The following ANKRD36B variants were observed in gnomAD, a reference collection of about 807,000 sequenced individuals.
ANKRD36B encodes ankyrin repeat domain 36B.
ANKRD36B carries 37 observed loss-of-function variants against 135.7 expected under a neutral mutation model. The observed-to-expected ratio is 0.27, with a 90% CI of 0.21 to 0.36. ANKRD36B has a LOEUF of 0.36. Among genes scored for constraint, ANKRD36B ranks in the 10% least tolerant of loss-of-function variants. The pLI, the probability that ANKRD36B is intolerant of heterozygous loss-of-function variation, is 1.00. For synonymous variants in ANKRD36B, 179 were observed against 348.1 expected (o/e 0.51, Z 5.41); for missense variants, 549 against 1,037.1 (o/e 0.53, Z 6.46).
At chr2:97,563,083 TTA>T (rs1176495892) in intron 6 of ANKRD36B, among the ~76,000 whole-genome samples, 1 of 152,096 alleles carries the variant, frequency 6.6e-6, no homozygotes, top group Non-Finnish European at 1.5e-5. Flanking sequence ...TGGAGCTATT[TTA>T]TGTTTAACTA....
Position 97,558,908 on chromosome 2 carries a change from A to T in ANKRD36B, c.895-37T>A, listed in dbSNP as rs562775706. On this transcript the variant is annotated intron_variant, in intron 9 of 43. Transcript: ENST00000359901. Reference sequence around the variant, plus strand: ...TTGAAACAAAATAATCAATATGTAAAGTAGGTTTCATAGACTATACGGTTA... The same window carrying T: ...TTGAAACAAAATAATCAATATGTAATGTAGGTTTCATAGACTATACGGTTA... The T allele has an allele frequency of 1.2e-5, 19 of 1,608,800 alleles. No homozygotes were observed. In the South Asian group the frequency reaches 2.0e-4, roughly 17 times the overall value.
intron 21 of ANKRD36B, 31 bp downstream of exon 21, chr2:97,547,672 T>G: frequency 6.4e-7 from 1 of 1,555,250 alleles, no homozygotes; most frequent in East Asian, 2.4e-5. Flanking sequence ...ATACATTTAC[T>G]AGTTCACAAT....
rs1182362854 is a variant in ANKRD36B, at chr2:97,521,880, C to G, written c.2407+1446G>C. ...CAGAAATAGATAACACATAAGCAACCAGCTTATGACTGACAAAGGCAGGAT... is the reference window on the plus strand; with the variant it reads ...CAGAAATAGATAACACATAAGCAACGAGCTTATGACTGACAAAGGCAGGAT... On this transcript the variant is annotated intron_variant, in intron 36 of 43. Transcript: ENST00000359901. 8.0e-4 allele frequency among the ~76,000 whole-genome samples: 71 copies of G among 89,158 alleles called. 12 individuals are homozygous for G. The highest frequency in any genetic ancestry group is 6.9e-3 in the Admixed American group (70 of 10,100). The allele number at this position is 89,158 out of a possible 152,430, so 58.5% of individuals were successfully genotyped here. A position where few individuals can be genotyped will look rare whatever the true frequency, so the allele number is the denominator to read the frequency against.
At chr2:97,574,335 T>G (rs1192336607) in intron 6 of ANKRD36B, among the ~76,000 whole-genome samples, 1 of 152,054 alleles carries the variant, frequency 6.6e-6, no homozygotes, top group East Asian at 1.9e-4. Context: ...AAAACCACAG[T>G]GAGATACCAT....
At chr2:97,560,271 G>C (rs1371224264) in intron 8 of ANKRD36B, among the ~76,000 whole-genome samples, 1 of 151,792 alleles carries the variant, frequency 6.6e-6, no homozygotes, top group Non-Finnish European at 1.5e-5. Flanking sequence ...TGTTTATGGA[G>C]TTATTAGGAT....
At chr2:97,576,715 G>T (rs1233837541) in intron 5 of ANKRD36B, among the ~76,000 whole-genome samples, 2 of 151,320 alleles carry the variant, frequency 1.3e-5, no homozygotes, top group African/African-American at 2.4e-5. Context: ...GCTCTTACTG[G>T]AAGGTCCTGG....
At chr2:97,550,024 T>C (rs1437047614) in intron 18 of ANKRD36B, among the ~76,000 whole-genome samples, 7 of 151,878 alleles carry the variant, frequency 4.6e-5, no homozygotes, top group African/African-American at 1.4e-4. Flanking sequence ...ACCATTATAC[T>C]ACAAACATTC....
At chr2:97,589,424 CGA>C in intron 1 of ANKRD36B, 99 bp downstream of exon 1, 2 of 837,358 alleles carry the variant, frequency 2.4e-6, no homozygotes, top group South Asian at 1.4e-5. Flanking sequence ...GTCCATACCC[CGA>C]GCCCCGGACC....
intron 6 of ANKRD36B, 94 bp downstream of exon 6, chr2:97,576,285 A>AT: frequency 6.5e-6 from 2 of 306,696 alleles, no homozygotes; most frequent in South Asian, 2.8e-5. Context: ...ATTTAAAGTG[A>AT]TTTTTTTAAA....
chr2:97,557,216 T>C, intron 10 of ANKRD36B, 84 bp from the exon 11 acceptor site: 5 of 1,500,268 alleles, frequency 3.3e-6, no homozygotes, highest in Non-Finnish European at 4.5e-6. Flanking sequence ...AGCATCAAGC[T>C]GTATCCTCCC....
intron 10 of ANKRD36B, among the ~76,000 whole-genome samples, chr2:97,558,486 C>T (rs2080728355): frequency 6.6e-6 from 1 of 151,994 alleles, no homozygotes; most frequent in South Asian, 2.1e-4. Context: ...TATACTTCAT[C>T]TCTTTCTCCT....
At chr2:97,514,632 A>G (rs2077724012) in intron 37 of ANKRD36B, among the ~76,000 whole-genome samples, 1 of 90,470 alleles carries the variant, frequency 1.1e-5, no homozygotes. Flanking sequence ...TTAAGAATGT[A>G]ATATGTTACC....
At chr2:97,547,270 T>C in intron 22 of ANKRD36B, 1 of 365,444 alleles carries the variant, frequency 2.7e-6, no homozygotes, top group South Asian at 3.1e-5. Context: ...AAAATTATGT[T>C]GTTCCCCAGA....
At chr2:97,557,849 C>T (rs2080668189) in intron 10 of ANKRD36B, among the ~76,000 whole-genome samples, 2 of 151,764 alleles carry the variant, frequency 1.3e-5, no homozygotes, top group South Asian at 4.2e-4. Context: ...TCAAATTTGA[C>T]ATACTTATAC....
At chr2:97,578,504 C>CTA (rs1160292839) in intron 5 of ANKRD36B, among the ~76,000 whole-genome samples, 2 of 151,994 alleles carry the variant, frequency 1.3e-5, no homozygotes, top group African/African-American at 4.8e-5. Flanking sequence ...CATGATCAGG[C>CTA]TATAGTAGAT....
rs567102980 is a variant in ANKRD36B, at chr2:97,551,254, C to G, written c.1375+35G>C. On this transcript the variant is annotated intron_variant, in intron 18 of 43. Coordinates refer to ENST00000359901, the MANE Select transcript of ANKRD36B (RefSeq NM_001393939.1). ...CGGGGAAGAGAACTTCTTATCTGGA[C>G]TGAACATGACATTAAATGTGTTTCG... 5.5e-5 allele frequency: 84 copies of G among 1,538,944 alleles called. 1 individual carries two copies. In the African/African-American group the frequency reaches 9.2e-4, roughly 17 times the overall value.
At chr2:97,569,645 G>A (rs985509119) in intron 6 of ANKRD36B, among the ~76,000 whole-genome samples, 2 of 150,346 alleles carry the variant, frequency 1.3e-5, no homozygotes, top group African/African-American at 2.4e-5. Flanking sequence ...AGCTATGAAC[G>A]TGAGGGGGGA....
chr2:97,559,065 T>C, intron 8 of ANKRD36B, 71 bp from the exon 9 acceptor site: 1 of 1,594,554 alleles, frequency 6.3e-7, no homozygotes, highest in Non-Finnish European at 8.5e-7. Flanking sequence ...TTCCATGCAG[T>C]GTTAGCATCA....
chr2:97,513,077 T>C lies in ANKRD36B; in HGVS notation c.2805+103A>G, dbSNP rs1439765994. Reference sequence around the variant, plus strand: ...ATTCATTTTTAAGATGAAATAAAATTTGGGGATTGTTCAGGCCTAAATAAT... The same window carrying C: ...ATTCATTTTTAAGATGAAATAAAATCTGGGGATTGTTCAGGCCTAAATAAT... On this transcript the variant is annotated intron_variant, in intron 38 of 43. Coordinates refer to ENST00000359901, the MANE Select transcript of ANKRD36B (RefSeq NM_001393939.1). The C allele has an allele frequency of 7.3e-6, 9 of 1,239,578 alleles. 1 individual carries two copies. In the Admixed American group the frequency reaches 2.4e-4, roughly 33 times the overall value. 76.8% of individuals were successfully genotyped at this position (1,239,578 alleles called of 1,614,324 possible).
Sources: allele counts gnomAD v4.1 joint callset (sites outside exome capture counted in the v4.1 genomes callset), GRCh38; gene constraint gnomAD v4.1.1; transcripts MANE v1.5; gene names NCBI Gene and HGNC (gene_info 2026-07-23, HGNC 2026-07-21).